Variants in AGT observed in about 807,000 individuals in gnomAD.
AGT encodes the protein angiotensinogen.
A neutral mutation model predicts 28.1 loss-of-function variants in AGT; 26 were observed. The observed-to-expected ratio is 0.92, with a 90% CI of 0.68 to 1.28. The LOEUF is 1.28. AGT is among the 50% of genes most tolerant of loss of function. AGT has a pLI of 0.00. For synonymous variants in AGT, 259 were observed against 259.6 expected (o/e 1.00, Z 0.02); for missense variants, 596 against 592.3 (o/e 1.01, Z -0.06).
In AGT at chr1:230,704,271, G is replaced by A. The variant is rs941105111; in HGVS notation, c.1164C>T (p.Ala388=). The change falls in exon 4 of 5, where the codon GCC becomes GCT. Residue 388 remains alanine, a synonymous_variant. Coordinates refer to ENST00000366667, the MANE Select transcript of AGT (RefSeq NM_001384479.1). ...QGSYDLQDLL[A]QAELPAILHT... The stretch of plus-strand genomic sequence containing the variant: ...GCAGAATGGCGGGCAGCTCAGCCTG[G>A]GCGAGCAGGTCCTGCAGGTCATAAG... 13 of 1,614,246 alleles carry A rather than the reference G, an allele frequency of 8.1e-6. No individual in the cohort carries two copies. The highest frequency in any genetic ancestry group is 1.1e-5 in the Non-Finnish European group (13 of 1,180,046).
chr1:230,723,541 A>G (rs1232913391), intron 1 of AGT, among the ~76,000 whole-genome samples: 1 of 152,198 alleles, frequency 6.6e-6, no homozygotes, highest in Non-Finnish European at 1.5e-5. Context: ...TGTAGAGTAT[A>G]ATATTTTCCT....
chr1:230,711,016 G>A (rs1663574831), intron 1 of AGT, among the ~76,000 whole-genome samples, 163 bp from the exon 2 acceptor site: 1 of 152,174 alleles, frequency 6.6e-6, no homozygotes, highest in African/African-American at 2.4e-5. Context: ...AAGCTCCATG[G>A]AAAATATCTA....
intron 2 of AGT, among the ~76,000 whole-genome samples, chr1:230,709,256 A>G (rs1663499112): frequency 1.3e-5 from 2 of 152,280 alleles, no homozygotes; most frequent in South Asian, 4.1e-4. Context: ...CTCAACAAGT[A>G]TTTGTTAAAT....
upstream of AGT, among the ~76,000 whole-genome samples, chr1:230,719,419 T>G (rs1196879152): frequency 0.058 from 5,496 of 94,670 alleles, 224 homozygotes; most frequent in Admixed American, 0.14. Flanking sequence ...TTTTTTTTTT[T>G]TTTTTTGAGA....
intron 1 of AGT, among the ~76,000 whole-genome samples, chr1:230,727,239 A>G (rs2102800959): frequency 6.6e-6 from 1 of 152,344 alleles, no homozygotes; most frequent in East Asian, 1.9e-4. Context: ...TTCCTGCTCC[A>G]GACATTAATG....
chr1:230,702,946 G>A lies in AGT; in HGVS notation c.*195C>T. 1 of 627,492 alleles carries A rather than the reference G, an allele frequency of 1.6e-6. No homozygotes were observed. The allele number at this position is 627,492 out of a possible 1,614,324, so 38.9% of individuals were successfully genotyped here. A position where few individuals can be genotyped will look rare whatever the true frequency, so the allele number is the denominator to read the frequency against. On this transcript the variant is annotated 3_prime_UTR_variant, in exon 5 of 5. Transcript: ENST00000366667. ...ATTTGTGCCGCTGCAGGCTTCTACT[G>A]CTCACTCCATGCAGCACACTTAGAC...
chr1:230,703,366 G>A (rs771845691), intron 4 of AGT, 37 bp from the exon 5 acceptor site: 20 of 1,612,128 alleles, frequency 1.2e-5, no homozygotes, highest in South Asian at 3.3e-5. Flanking sequence ...TTCTGAGGGC[G>A]CACTGGGTGA....
At chr1:230,712,919 C>T (rs985388713) in intron 1 of AGT, among the ~76,000 whole-genome samples, 2 of 152,182 alleles carry the variant, frequency 1.3e-5, no homozygotes, top group African/African-American at 4.8e-5. Flanking sequence ...CTATGTCTCC[C>T]TACTTCTCCC....
Position 230,707,522 on chromosome 1 carries a change from C to G in AGT, c.830-1322G>C, listed in dbSNP as rs140895001. ...GGCATGGCTGTGCCTCCCCTGGGTCCGGGTCTCGTAAGAAGGCAGTGGCAG... is the reference window on the plus strand; with the variant it reads ...GGCATGGCTGTGCCTCCCCTGGGTCGGGGTCTCGTAAGAAGGCAGTGGCAG... On this transcript the variant is annotated intron_variant, in intron 2 of 4. Coordinates refer to ENST00000366667, the MANE Select transcript of AGT (RefSeq NM_001384479.1). 3.6e-3 allele frequency among the ~76,000 whole-genome samples: 546 copies of G among 152,196 alleles called. 2 individuals are homozygous for G. The highest frequency in any genetic ancestry group is 0.012 in the African/African-American group (514 of 41,522).
At chr1:230,740,966 C>A (rs1259207259) in intron 1 of AGT, among the ~76,000 whole-genome samples, 1 of 151,928 alleles carries the variant, frequency 6.6e-6, no homozygotes, top group Non-Finnish European at 1.5e-5. Flanking sequence ...TTTTTTTGGG[C>A]CCTAAACTGC....
chr1:230,730,882 A>G lies in AGT; in HGVS notation c.-31+14633T>C, dbSNP rs150072646. ...AGATAGGCATTAAAATTAGACATCA[A>G]TCGCATCCTACATGCCCCTTTTGAG... On this transcript the variant is annotated intron_variant, in intron 1 of 4. Transcript: ENST00000681269. Among the ~76,000 whole-genome samples, 1,489 of 152,292 alleles carry G rather than the reference A, an allele frequency of 9.8e-3. 17 individuals are homozygous for G. Among genetic ancestry groups the G allele is most frequent in the South Asian group, 0.018 (85 of 4,824 alleles).
intron 1 of AGT, among the ~76,000 whole-genome samples, chr1:230,712,122 G>A (rs750488893): frequency 6.6e-6 from 1 of 152,192 alleles, no homozygotes; most frequent in African/African-American, 2.4e-5. Context: ...GGGGTGTACT[G>A]CAATATCGTC....
intron 1 of AGT, among the ~76,000 whole-genome samples, chr1:230,741,474 G>C (rs1363667939): frequency 6.6e-6 from 1 of 152,254 alleles, no homozygotes; most frequent in African/African-American, 2.4e-5. Flanking sequence ...GTGTGGGGGA[G>C]ATTTGGGCTG....
chr1:230,722,485 T>C (rs1663866914), intron 1 of AGT, among the ~76,000 whole-genome samples: 1 of 152,204 alleles, frequency 6.6e-6, no homozygotes, highest in Non-Finnish European at 1.5e-5. Context: ...GCTTGCACCA[T>C]GCACCTGGAA....
intron 1 of AGT, among the ~76,000 whole-genome samples, chr1:230,734,641 A>G (rs888780566): frequency 6.6e-6 from 1 of 151,802 alleles, no homozygotes; most frequent in Non-Finnish European, 1.5e-5. Flanking sequence ...TTTCATCCCT[A>G]TGTACAAGGC....
intron 1 of AGT, among the ~76,000 whole-genome samples, chr1:230,724,812 T>G (rs1349314979): frequency 6.6e-6 from 1 of 152,014 alleles, no homozygotes; most frequent in Non-Finnish European, 1.5e-5. Context: ...GGTAACAGAG[T>G]AAGACATTGT....
At chr1:230,728,643 G>A (rs149326271) in intron 1 of AGT, among the ~76,000 whole-genome samples, 205 of 152,246 alleles carry the variant, frequency 1.3e-3, no homozygotes, top group Non-Finnish European at 2.2e-3. Context: ...AACTTTTGAG[G>A]TATGGGTCAC....
At chr1:230,707,986 A>C (rs976643276) in intron 2 of AGT, among the ~76,000 whole-genome samples, 1 of 152,144 alleles carries the variant, frequency 6.6e-6, no homozygotes, top group African/African-American at 2.4e-5. Context: ...CTCTAGTGGG[A>C]CACATCTAGC....
chr1:230,724,372 G>A (rs981779773), intron 1 of AGT, among the ~76,000 whole-genome samples: 2 of 152,112 alleles, frequency 1.3e-5, no homozygotes, highest in African/African-American at 4.8e-5. Context: ...CTTATTTAAT[G>A]TATAATTTTA....
Sources: gnomAD v4.1 joint callset for allele counts (sites outside exome capture counted in the v4.1 genomes callset) on GRCh38, gnomAD v4.1.1 for gene constraint, MANE v1.5 for transcripts, NCBI Gene and HGNC (gene_info 2026-07-23, HGNC 2026-07-21) for gene names.